Variants in IMMP2L observed in about 807,000 individuals in gnomAD.
IMMP2L encodes the protein inner mitochondrial membrane peptidase subunit 2.
Under a neutral mutation model 19.3 loss-of-function variants are expected in IMMP2L, and 18 were observed. That is an observed-to-expected ratio of 0.93 (90% CI 0.64 to 1.38). IMMP2L has a LOEUF of 1.38. Among genes scored for constraint, IMMP2L ranks in the 40% most tolerant of loss-of-function variants. The pLI is 0.00. For synonymous variants in IMMP2L, 76 were observed against 73.0 expected, an observed-to-expected ratio of 1.04 and a Z score of -0.21; for missense variants, 233 against 218.2, an observed-to-expected ratio of 1.07 and a Z score of -0.43.
intron 3 of IMMP2L, among the ~76,000 whole-genome samples, chr7:111,206,059 C>T (rs1810670882): frequency 6.6e-6 from 1 of 152,152 alleles, no homozygotes; most frequent in Non-Finnish European, 1.5e-5. Flanking sequence ...CTAAAGACAT[C>T]CCAATGATAC....
At chr7:111,215,387 T>C (rs1227982546) in intron 3 of IMMP2L, among the ~76,000 whole-genome samples, 1 of 152,198 alleles carries the variant, frequency 6.6e-6, no homozygotes, top group East Asian at 1.9e-4. Flanking sequence ...TTCCAGCTTC[T>C]GCACAGTTAA....
chr7:110,953,314 C>T (rs1399228606), intron 4 of IMMP2L, among the ~76,000 whole-genome samples: 1 of 152,002 alleles, frequency 6.6e-6, no homozygotes, highest in East Asian at 1.9e-4. Context: ...TGTCCCTCTC[C>T]TTGTCCCCCA....
intron 5 of IMMP2L, among the ~76,000 whole-genome samples, chr7:110,687,204 C>A (rs1239270816): frequency 3.9e-5 from 6 of 152,038 alleles, no homozygotes; most frequent in Admixed American, 3.9e-4. Flanking sequence ...TCATCACCAC[C>A]TCCACCACCT....
intron 3 of IMMP2L, among the ~76,000 whole-genome samples, chr7:111,059,919 T>C (rs1168583451): frequency 8.5e-6 from 1 of 118,254 alleles, no homozygotes; most frequent in Non-Finnish European, 2.0e-5. Flanking sequence ...ATATGCCTAA[T>C]TGTGAAAAAA....
intron 3 of IMMP2L, among the ~76,000 whole-genome samples, chr7:111,233,777 A>G (rs1156343235): frequency 1.3e-5 from 2 of 152,218 alleles, no homozygotes; most frequent in South Asian, 4.1e-4. Context: ...AACTTACATG[A>G]AATAACTTAA....
At chr7:110,942,188 T>C (rs1253861624) in intron 4 of IMMP2L, among the ~76,000 whole-genome samples, 1 of 151,964 alleles carries the variant, frequency 6.6e-6, no homozygotes, top group East Asian at 1.9e-4. Context: ...GTTAAGTTTC[T>C]TGCAATAAAT....
chr7:111,481,610 T>C (rs1842197071), intron 3 of IMMP2L, among the ~76,000 whole-genome samples: 1 of 151,660 alleles, frequency 6.6e-6, no homozygotes, highest in Non-Finnish European at 1.5e-5. Flanking sequence ...TTTTTTTTTT[T>C]CTCTCCATAG....
At chr7:111,085,468 T>G (rs1422820536) in intron 3 of IMMP2L, among the ~76,000 whole-genome samples, 2 of 152,196 alleles carry the variant, frequency 1.3e-5, no homozygotes, top group African/African-American at 2.4e-5. Context: ...TGCGTCCCAT[T>G]AATCTAGTAA....
At chr7:111,500,735 A>G (rs1396802123) in intron 2 of IMMP2L, among the ~76,000 whole-genome samples, 2 of 152,122 alleles carry the variant, frequency 1.3e-5, no homozygotes, top group Non-Finnish European at 2.9e-5. Flanking sequence ...ACATCTAGCA[A>G]ACTCCAACAG....
At chr7:111,525,201 G>A (rs1053475674) in intron 1 of IMMP2L, among the ~76,000 whole-genome samples, 1 of 152,146 alleles carries the variant, frequency 6.6e-6, no homozygotes, top group Non-Finnish European at 1.5e-5. Flanking sequence ...TCTAGATAAA[G>A]AACTGTGGGT....
Position 111,256,230 on chromosome 7 carries a change from A to G in IMMP2L, c.239+231008T>C, listed in dbSNP as rs182665598. On this transcript the variant is annotated intron_variant, in intron 3 of 5. Transcript: ENST00000405709. ...TTTATTCATACAAAAACATTTATTT[A>G]CCAAAGTTACACAGTTACAAAATGG... Among the ~76,000 whole-genome samples, 330 of 152,180 alleles carry G rather than the reference A, an allele frequency of 2.2e-3. 1 individual carries two copies. Among genetic ancestry groups the G allele is most frequent in the African/African-American group, 7.4e-3 (309 of 41,574 alleles).
intron 5 of IMMP2L, among the ~76,000 whole-genome samples, chr7:110,698,593 A>T (rs1286881003): frequency 6.6e-6 from 1 of 152,168 alleles, no homozygotes; most frequent in African/African-American, 2.4e-5. Context: ...CAGCCATAGA[A>T]ACTGACATAT....
At chr7:111,551,449 T>A (rs1355926740) in intron 1 of IMMP2L, among the ~76,000 whole-genome samples, 1 of 151,932 alleles carries the variant, frequency 6.6e-6, no homozygotes, top group African/African-American at 2.4e-5. Flanking sequence ...ATACAATATG[T>A]TTAGTAACAA....
intron 3 of IMMP2L, among the ~76,000 whole-genome samples, chr7:111,441,949 C>T (rs541655270): frequency 4.0e-5 from 6 of 151,666 alleles, no homozygotes; most frequent in Non-Finnish European, 7.4e-5. Flanking sequence ...CCACCCTGGC[C>T]AACATGGTGA....
At chr7:110,706,268 A>C (rs1794673178) in intron 5 of IMMP2L, among the ~76,000 whole-genome samples, 1 of 151,994 alleles carries the variant, frequency 6.6e-6, no homozygotes, top group Non-Finnish European at 1.5e-5. Flanking sequence ...ATGCCCAGCT[A>C]ATTTCCTTAT....
At chr7:111,319,796 A>G (rs1360814385) in intron 3 of IMMP2L, among the ~76,000 whole-genome samples, 2 of 151,998 alleles carry the variant, frequency 1.3e-5, no homozygotes, top group Non-Finnish European at 1.5e-5. Flanking sequence ...TTGGCTGAAA[A>G]TACACCTTCA....
chr7:111,017,421 A>G (rs1825828050), intron 3 of IMMP2L, among the ~76,000 whole-genome samples: 1 of 152,050 alleles, frequency 6.6e-6, no homozygotes, highest in African/African-American at 2.4e-5. Context: ...AAAGTCTAGG[A>G]TAACATAATA....
At chr7:110,871,763 G>A (rs1433497644) in intron 5 of IMMP2L, among the ~76,000 whole-genome samples, 1 of 152,110 alleles carries the variant, frequency 6.6e-6, no homozygotes, top group African/African-American at 2.4e-5. Flanking sequence ...ACTACAGTGA[G>A]ACATATATGT....
At chr7:111,011,074 G>T (rs990109440) in intron 3 of IMMP2L, among the ~76,000 whole-genome samples, 1 of 152,130 alleles carries the variant, frequency 6.6e-6, no homozygotes, top group African/African-American at 2.4e-5. Flanking sequence ...CTTGGCAAAG[G>T]GCTGTAGAAG....
Sources: allele counts gnomAD v4.1 joint callset (sites outside exome capture counted in the v4.1 genomes callset), GRCh38; gene constraint gnomAD v4.1.1; transcripts MANE v1.5; gene names NCBI Gene and HGNC (gene_info 2026-07-23, HGNC 2026-07-21).